CYP4F12: variants seen among roughly 807,000 people sequenced by gnomAD.
CYP4F12 encodes cytochrome P450 4F12.
CYP4F12 carries 60 observed loss-of-function variants against 56.5 expected under a neutral mutation model. The ratio of observed to expected loss-of-function variants is 1.06; its 90% confidence interval spans 0.86 to 1.32. The LOEUF is 1.32. CYP4F12 is among the 40% of genes most tolerant of loss of function. The pLI, the probability that CYP4F12 is intolerant of heterozygous loss-of-function variation, is 0.00. For synonymous variants in CYP4F12, 263 were observed against 264.9 expected (o/e 0.99, Z 0.07); for missense variants, 711 against 683.5 (o/e 1.04, Z -0.45).
At position 15,683,533 on chromosome 19, in the gene CYP4F12, G is replaced by A. The variant is rs2007425974; in HGVS notation, c.688G>A (p.Ala230Thr). The change falls in exon 7 of 13, where the codon GCC (alanine) becomes ACC (threonine). Residue 230 changes from alanine to threonine, a missense_variant. Ala to Thr is a moderately conservative substitution (Grantham distance 58). Transcript: ENST00000550308. ...TATTGCCACCATCTTGGAGCTCAGT[G>A]CCCTTGTAGAGAAAAGAAGCCAGCA... ...EYIATILELS[A>T]LVEKRSQHIL... is the part of the protein sequence containing the mutation. 6.2e-7 allele frequency: 1 copy of A among 1,611,732 alleles called. No homozygotes were observed. The highest frequency in any genetic ancestry group is 1.1e-5 in the South Asian group (1 of 90,754).
intron 9 of CYP4F12, among the ~76,000 whole-genome samples, chr19:15,686,902 C>G (rs1268406344): frequency 6.6e-6 from 1 of 152,070 alleles, no homozygotes; most frequent in Non-Finnish European, 1.5e-5. Context: ...CACAGCAGTC[C>G]TAAAAGGTGG....
intron 9 of CYP4F12, 62 bp downstream of exon 9, chr19:15,685,259 G>A (rs2144738611): frequency 6.4e-7 from 1 of 1,574,358 alleles, no homozygotes; most frequent in Non-Finnish European, 8.6e-7. Flanking sequence ...CCCAAGTGAG[G>A]AGGGGTGGAG....
At chr19:15,695,828 T>A in intron 9 of CYP4F12, 108 bp from the exon 10 acceptor site, 1 of 1,439,880 alleles carries the variant, frequency 6.9e-7, no homozygotes, top group Non-Finnish European at 9.2e-7. Context: ...TTGATCCCCG[T>A]GGAGTTTATT....
At position 15,678,288 on chromosome 19, in the gene CYP4F12, A is replaced by G. The variant is rs609636; in HGVS notation, c.226A>G (p.Asn76Asp). The G allele has an allele frequency of 0.93, 1,507,806 of 1,614,094 alleles. 704,663 individuals carry two copies. The highest frequency in any genetic ancestry group is 1 in the East Asian group (44,872 of 44,878). ...LITPTEEGLK[N>D]STQMSATYSQ... ...CACTCCTACAGAGGAGGGCTTGAAG[A>G]ACTCGACCCAGATGTCGGCCACCTA... The change falls in exon 3 of 13, where the codon AAC (asparagine) becomes GAC (aspartate). Residue 76 changes from asparagine (N) to aspartate (D), a missense_variant. Physicochemically the swap from Asn to Asp is conservative, Grantham distance 23. Transcript: ENST00000550308.
At chr19:15,673,455 T>C in intron 1 of CYP4F12, 74 bp from the exon 2 acceptor site, 1 of 1,501,172 alleles carries the variant, frequency 6.7e-7, no homozygotes, top group East Asian at 2.3e-5. Flanking sequence ...GTTCCTGACT[T>C]CGCCCCTATA....
chr19:15,684,989 C>A, intron 8 of CYP4F12, 79 bp from the exon 9 acceptor site: 1 of 1,575,850 alleles, frequency 6.3e-7, no homozygotes. Flanking sequence ...CCCCCTCCCT[C>A]CATCCTCCTG....
chr19:15,680,182 C>T lies in CYP4F12; in HGVS notation c.344-62C>T, dbSNP rs1381999030. 5 of 1,547,238 alleles carry T rather than the reference C, an allele frequency of 3.2e-6. No individual in the cohort carries two copies. In the Admixed American group the frequency reaches 8.1e-5, roughly 25 times the overall value. ...GGAAAGTGCTGGTAGGCAGCCTTGC[C>T]CTATACCTGAAGTTCCTCTCTTGCC... On this transcript the variant is annotated intron_variant, in intron 3 of 12. Transcript: ENST00000550308.
chr19:15,680,954 C>A, intron 5 of CYP4F12: 1 of 303,488 alleles, frequency 3.3e-6, no homozygotes, highest in East Asian at 9.5e-5. Flanking sequence ...CTTTGCTGAT[C>A]CTGGCTCAGT....
intron 8 of CYP4F12, 26 bp from the exon 9 acceptor site, chr19:15,685,042 G>T: frequency 6.2e-7 from 1 of 1,608,364 alleles, no homozygotes; most frequent in Non-Finnish European, 8.5e-7. Flanking sequence ...CGGTGCTGAA[G>T]CCAAGCTTAC....
intron 9 of CYP4F12, among the ~76,000 whole-genome samples, chr19:15,695,680 T>C (rs1270569380): frequency 6.6e-6 from 1 of 152,122 alleles, no homozygotes; most frequent in African/African-American, 2.4e-5. Flanking sequence ...TTTATGTGAG[T>C]TTGTTAATTT....
rs1490157624 is a variant in CYP4F12, at chr19:15,684,837, T to C, written c.940T>C (p.Ser314Pro). ...LSKDEDGKAL[S>P]DEDIRAEADT... ...TCAGGATGAAGATGGGAAGGCATTGTCAGATGAGGATATAAGAGCAGAGGC... is the reference window on the plus strand; with the variant it reads ...TCAGGATGAAGATGGGAAGGCATTGCCAGATGAGGATATAAGAGCAGAGGC... Residue 314 changes from serine (S) to proline (P), a missense_variant, in exon 8 of 13, where the codon TCA (serine) becomes CCA (proline). Physicochemically the swap from Ser to Pro is moderately conservative, Grantham distance 74. Transcript: ENST00000550308. 1.2e-6 allele frequency: 2 copies of C among 1,609,860 alleles called. No homozygotes were observed. The highest frequency in any genetic ancestry group is 1.7e-6 in the Non-Finnish European group (2 of 1,178,518).
chr19:15,683,690 G>C lies in CYP4F12; in HGVS notation c.845G>C (p.Gly282Ala), dbSNP rs540943953. The stretch of plus-strand genomic sequence containing the variant: ...CGGCGTCGCACCCTCCCCACTCAGG[G>C]TATTGATGATTTTTTCAAAGACAAA... ...RERRRTLPTQ[G>A]IDDFFKDKAK... Residue 282 changes from glycine (G) to alanine (A), a missense_variant, in exon 7 of 13, where the codon GGT becomes GCT. Transcript: ENST00000550308. 30 of 1,608,372 alleles carry C rather than the reference G, an allele frequency of 1.9e-5. No homozygotes were observed. The African/African-American group carries it at 3.7e-4, about 20-fold the overall frequency.
At chr19:15,685,306 G>A (rs2144738698) in intron 9 of CYP4F12, 109 bp downstream of exon 9, 7 of 1,496,596 alleles carry the variant, frequency 4.7e-6, no homozygotes, top group Non-Finnish European at 6.3e-6. Context: ...TTGCTTAGTG[G>A]GTATAAAAGC....
intron 7 of CYP4F12, 135 bp from the exon 8 acceptor site, chr19:15,684,681 C>T: frequency 1.2e-6 from 1 of 840,282 alleles, no homozygotes; most frequent in South Asian, 1.6e-5. Flanking sequence ...GTGCAGAGTG[C>T]ATTTGAGTTT....
intron 12 of CYP4F12, 71 bp from the exon 13 acceptor site, chr19:15,696,837 C>A: frequency 6.6e-7 from 1 of 1,516,274 alleles, no homozygotes; most frequent in Non-Finnish European, 8.8e-7. Flanking sequence ...GGGTCCCAGG[C>A]CAGGTTCCTG....
In CYP4F12 at chr19:15,688,279, T is replaced by A. The variant is rs191927778; in HGVS notation, c.1115+3082T>A. Among the ~76,000 whole-genome samples the A allele has an allele frequency of 1.4e-3, 208 of 152,102 alleles. 3 individuals carry two copies. Among genetic ancestry groups the A allele is most frequent in the African/African-American group, 4.8e-3 (201 of 41,496 alleles). ...AACTCTTCTGTGAGGCAGAGGCAGT[T>A]ATACTCACCTCTGGATCATTACCCC... On this transcript the variant is annotated intron_variant, in intron 9 of 12. Transcript: ENST00000550308.
chr19:15,683,007 G>A (rs1314639106), intron 6 of CYP4F12, among the ~76,000 whole-genome samples: 1 of 152,044 alleles, frequency 6.6e-6, no homozygotes, highest in Admixed American at 6.6e-5. Flanking sequence ...AAAATGTTGG[G>A]ATTACAGGCA....
In CYP4F12 at chr19:15,696,986, G is replaced by A. The variant is rs751290008; in HGVS notation, c.1476G>A (p.Leu492=). The A allele has an allele frequency of 1.9e-6, 3 of 1,614,254 alleles. No individual in the cohort carries two copies. The highest frequency in any genetic ancestry group is 4.5e-5 in the East Asian group (2 of 44,880). The change falls in exon 13 of 13, where the codon CTG becomes CTA. Residue 492 remains leucine, a synonymous_variant. Transcript: ENST00000550308. ...LALMLLHFRF[L]PDHTEPRRKL... ...TGATGCTGCTGCACTTCCGGTTCCT[G>A]CCAGACCACACTGAGCCCCGCAGGA...
intron 9 of CYP4F12, among the ~76,000 whole-genome samples, chr19:15,685,862 A>G (rs1325784404): frequency 2.0e-5 from 3 of 152,172 alleles, no homozygotes; most frequent in African/African-American, 7.2e-5. Context: ...GGTCCAGTCC[A>G]GGGAGTCCTA....
Sources: allele counts gnomAD v4.1 joint callset (sites outside exome capture counted in the v4.1 genomes callset), GRCh38; gene constraint gnomAD v4.1.1; transcripts MANE v1.5; gene names NCBI Gene and HGNC (gene_info 2026-07-23, HGNC 2026-07-21).